Variants in DOCK3 observed in about 807,000 individuals in gnomAD.
The protein encoded by DOCK3 is dedicator of cytokinesis 3.
Under a neutral mutation model 265.6 loss-of-function variants are expected in DOCK3, and 60 were observed. The observed-to-expected ratio is 0.23, with a 90% CI of 0.18 to 0.28. The LOEUF is 0.28. DOCK3 is among the 10% of genes least tolerant of loss of function. The probability of loss-of-function intolerance (pLI) is 1.00; values close to 1 mark genes in which losing one functional copy is unlikely to be tolerated. For missense variants in DOCK3, 1,981 were observed against 2,594.3 expected, an observed-to-expected ratio of 0.76 and a Z score of 5.14; for synonymous variants, 881 against 938.0, an observed-to-expected ratio of 0.94 and a Z score of 1.11.
chr3:51,315,382 G>C (rs1438425261), intron 32 of DOCK3, among the ~76,000 whole-genome samples: 1 of 152,216 alleles, frequency 6.6e-6, no homozygotes, highest in Non-Finnish European at 1.5e-5. Flanking sequence ...AGGAATGATT[G>C]AGACTGTAGC....
chr3:50,838,434 T>C (rs1015111403), intron 2 of DOCK3, among the ~76,000 whole-genome samples: 1 of 152,234 alleles, frequency 6.6e-6, no homozygotes, highest in Non-Finnish European at 1.5e-5. Context: ...CTTAAGTTCC[T>C]AGTAGTAATC....
At chr3:51,300,964 T>C (rs2082332492) in intron 27 of DOCK3, among the ~76,000 whole-genome samples, 1 of 152,214 alleles carries the variant, frequency 6.6e-6, no homozygotes, top group Admixed American at 6.5e-5. Context: ...CTTGGAGTAA[T>C]TTCAGAAGAA....
chr3:51,246,259 A>G (rs920094134), intron 21 of DOCK3, among the ~76,000 whole-genome samples: 2 of 133,744 alleles, frequency 1.5e-5, no homozygotes, highest in African/African-American at 5.7e-5. Context: ...TTCAGATGAG[A>G]TATTGTTCTG....
intron 2 of DOCK3, among the ~76,000 whole-genome samples, chr3:50,822,037 A>G (rs906439398): frequency 1.2e-4 from 18 of 152,314 alleles, no homozygotes; most frequent in Non-Finnish European, 2.1e-4. Context: ...TTTAAATTCT[A>G]TGAACAATGA....
At chr3:51,041,200 A>C (rs1316831388) in intron 5 of DOCK3, among the ~76,000 whole-genome samples, 1 of 12,384 alleles carries the variant, frequency 8.1e-5, no homozygotes, top group East Asian at 2.6e-3. Context: ...ATATATATAT[A>C]TATATTTTTT....
rs1349754817 is a variant in DOCK3, at chr3:51,236,448, CTT to C, written c.2001+22_2001+23del. ...TCTCTGGTAAGTCACCTTCCTGACT[CTT>C]TACTTTTATTAATTATTCCTGTCAT... On this transcript the variant is annotated intron_variant, in intron 20 of 52. Transcript: ENST00000266037. 3 of 1,588,076 alleles carry C rather than the reference CTT, an allele frequency of 1.9e-6. No individual in the cohort carries two copies. Among genetic ancestry groups the C allele is most frequent in the South Asian group, 1.1e-5 (1 of 86,958 alleles).
intron 12 of DOCK3, among the ~76,000 whole-genome samples, chr3:51,178,244 A>G (rs1407710192): frequency 6.6e-6 from 1 of 152,218 alleles, no homozygotes; most frequent in Non-Finnish European, 1.5e-5. Context: ...TGGAAAGAGA[A>G]CATACACCTA....
chr3:51,262,072 C>A (rs1291544487), intron 23 of DOCK3, among the ~76,000 whole-genome samples: 2 of 152,230 alleles, frequency 1.3e-5, no homozygotes, highest in African/African-American at 4.8e-5. Context: ...TGCTAAGGGA[C>A]AGACTGTCTC....
chr3:50,752,013 G>T (rs986663596), intron 1 of DOCK3, among the ~76,000 whole-genome samples: 2 of 152,070 alleles, frequency 1.3e-5, no homozygotes, highest in Non-Finnish European at 2.9e-5. Context: ...GGATTATGGG[G>T]ATTACAATTC....
intron 12 of DOCK3, among the ~76,000 whole-genome samples, chr3:51,172,776 T>A (rs866194367): frequency 5.9e-5 from 9 of 152,320 alleles, no homozygotes; most frequent in South Asian, 4.1e-4. Flanking sequence ...TGGTATACTT[T>A]CATTTTCATT....
At chr3:51,030,534 G>A (rs2080007017) in intron 5 of DOCK3, among the ~76,000 whole-genome samples, 1 of 152,102 alleles carries the variant, frequency 6.6e-6, no homozygotes, top group East Asian at 1.9e-4. Context: ...TAGTTGAGAG[G>A]CTAGGTTGTT....
chr3:50,745,765 A>G (rs1043374332), intron 1 of DOCK3, among the ~76,000 whole-genome samples: 2 of 152,190 alleles, frequency 1.3e-5, no homozygotes, highest in African/African-American at 4.8e-5. Flanking sequence ...CTCCTACCCA[A>G]CATCAACTTT....
chr3:51,083,079 T>C (rs1344542997), intron 7 of DOCK3, among the ~76,000 whole-genome samples: 1 of 152,168 alleles, frequency 6.6e-6, no homozygotes, highest in Non-Finnish European at 1.5e-5. Context: ...ATATACCACC[T>C]GGGGACCTAA....
At chr3:51,263,826 T>C (rs1287874551) in intron 23 of DOCK3, among the ~76,000 whole-genome samples, 1 of 151,946 alleles carries the variant, frequency 6.6e-6, no homozygotes, top group East Asian at 1.9e-4. Flanking sequence ...GTCAAGGATA[T>C]TACATAATGG....
At chr3:51,284,264 T>G (rs570297899) in intron 27 of DOCK3, among the ~76,000 whole-genome samples, 1 of 152,282 alleles carries the variant, frequency 6.6e-6, no homozygotes, top group South Asian at 2.1e-4. Flanking sequence ...ATTGCAGTTT[T>G]ATGTGAGCAC....
chr3:50,849,903 G>A lies in DOCK3; in HGVS notation c.162+8188G>A, dbSNP rs527389812. Among the ~76,000 whole-genome samples, 13 of 152,044 alleles carry A rather than the reference G, an allele frequency of 8.6e-5. No individual in the cohort carries two copies. In the South Asian group the frequency reaches 1.5e-3, roughly 17 times the overall value. The stretch of plus-strand genomic sequence containing the variant: ...CTTTGAGACCAGCCTGGGCAACATA[G>A]CGAAACCTCGTCTTTAAAAAACCAA... On this transcript the variant is annotated intron_variant, in intron 3 of 52. Coordinates refer to ENST00000266037, the MANE Select transcript of DOCK3 (RefSeq NM_004947.5).
At chr3:51,358,168 A>G (rs781123281) in intron 46 of DOCK3, 91 bp downstream of exon 46, 135 of 1,362,276 alleles carry the variant, frequency 9.9e-5, no homozygotes, top group Non-Finnish European at 1.3e-4. Context: ...AATAGGAGAG[A>G]GGGAGCCTGG....
intron 2 of DOCK3, among the ~76,000 whole-genome samples, chr3:50,780,915 T>C (rs1211039493): frequency 1.3e-5 from 2 of 152,148 alleles, no homozygotes; most frequent in Non-Finnish European, 2.9e-5. Flanking sequence ...TGTTTAACTT[T>C]CTCTTTTTGG....
At chr3:50,816,176 A>G (rs774663284) in intron 2 of DOCK3, among the ~76,000 whole-genome samples, 3 of 152,076 alleles carry the variant, frequency 2.0e-5, no homozygotes, top group Non-Finnish European at 4.4e-5. Context: ...TCATAATTTC[A>G]TCTAACAGGT....
Sources: allele counts gnomAD v4.1 joint callset (sites outside exome capture counted in the v4.1 genomes callset), GRCh38; gene constraint gnomAD v4.1.1; transcripts MANE v1.5; gene names NCBI Gene and HGNC (gene_info 2026-07-23, HGNC 2026-07-21).